SLC38A8: variants seen among roughly 807,000 people sequenced by gnomAD.
SLC38A8 encodes the protein amino acid transporter SLC38A8.
Under a neutral mutation model 46.0 loss-of-function variants are expected in SLC38A8, and 65 were observed. The ratio of observed to expected loss-of-function variants is 1.41; its 90% CI spans 1.16 to 1.74. The LOEUF (loss-of-function observed/expected upper bound fraction) is 1.74. SLC38A8 is among the 40% of genes most tolerant of loss of function. The pLI is 0.00. For synonymous variants in SLC38A8, 447 were observed against 243.7 expected, an observed-to-expected ratio of 1.83 and a Z score of -7.77; for missense variants, 998 against 567.9, an observed-to-expected ratio of 1.76 and a Z score of -7.70.
chr16:84,028,180 C>G (rs746832313), intron 6 of SLC38A8, among the ~76,000 whole-genome samples: 1 of 151,950 alleles, frequency 6.6e-6, no homozygotes, highest in Non-Finnish European at 1.5e-5. Flanking sequence ...AAACCCTGGA[C>G]ACATCTCCCT....
At chr16:84,039,743 C>CAAAAA (rs56074069) in intron 2 of SLC38A8, among the ~76,000 whole-genome samples, 1 of 85,822 alleles carries the variant, frequency 1.2e-5, no homozygotes, top group Non-Finnish European at 2.2e-5. Context: ...GTGAGACCTT[C>CAAAAA]AAAAAAAAAA....
chr16:84,034,776 C>G (rs1186225821), intron 3 of SLC38A8, among the ~76,000 whole-genome samples: 1 of 152,104 alleles, frequency 6.6e-6, no homozygotes, highest in Non-Finnish European at 1.5e-5. Context: ...GCACCGAGAT[C>G]GTGGGTGAGT....
rs578114014 is a variant in SLC38A8, at chr16:84,024,721, G to A, written c.691-1832C>T. ...GCTCAAGCCTGGGAGGCAGAGTCTC[G>A]CTCTGTCACCCAGAATGGACTGAAG... On this transcript the variant is annotated intron_variant, in intron 6 of 10. Coordinates refer to ENST00000299709, the MANE Select transcript of SLC38A8 (RefSeq NM_001080442.3). 2.7e-3 allele frequency among the ~76,000 whole-genome samples: 414 copies of A among 152,200 alleles called. 1 individual carries two copies. The highest frequency in any genetic ancestry group is 0.015 in the South Asian group (72 of 4,822).
At chr16:84,040,305 T>C (rs555362618) in intron 2 of SLC38A8, among the ~76,000 whole-genome samples, 2 of 152,318 alleles carry the variant, frequency 1.3e-5, no homozygotes, top group African/African-American at 4.8e-5. Flanking sequence ...GCCATGAGTT[T>C]CCATTTATTC....
intron 9 of SLC38A8, among the ~76,000 whole-genome samples, chr16:84,013,515 C>T (rs1415845225): frequency 1.4e-5 from 2 of 144,826 alleles, no homozygotes; most frequent in Non-Finnish European, 3.0e-5. Context: ...ACTGCAACCT[C>T]CACCTCCCGG....
chr16:84,023,831 T>C (rs1056187714), intron 6 of SLC38A8, among the ~76,000 whole-genome samples: 3 of 152,036 alleles, frequency 2.0e-5, no homozygotes, highest in Admixed American at 1.3e-4. Flanking sequence ...GAGGCGGAGG[T>C]TGCAGTGAGC....
At chr16:84,021,844 G>T (rs1318631716) in intron 7 of SLC38A8, among the ~76,000 whole-genome samples, 1 of 152,210 alleles carries the variant, frequency 6.6e-6, no homozygotes, top group East Asian at 1.9e-4. Flanking sequence ...GCTACATCTG[G>T]GGAGAGCCTT....
intron 2 of SLC38A8, among the ~76,000 whole-genome samples, chr16:84,038,337 G>C (rs531895734): frequency 3.3e-5 from 5 of 152,054 alleles, no homozygotes; most frequent in African/African-American, 1.2e-4. Flanking sequence ...AGATGTACAG[G>C]AAAGTTGCAA....
intron 2 of SLC38A8, among the ~76,000 whole-genome samples, chr16:84,038,773 T>G (rs2085331746): frequency 6.6e-6 from 1 of 152,162 alleles, no homozygotes; most frequent in Non-Finnish European, 1.5e-5. Flanking sequence ...TTTCCACCTT[T>G]ACGTAATTCC....
At chr16:84,026,795 A>ATT (rs1411480030) in intron 6 of SLC38A8, among the ~76,000 whole-genome samples, 1 of 152,186 alleles carries the variant, frequency 6.6e-6, no homozygotes, top group Non-Finnish European at 1.5e-5. Context: ...CTGTCTTAAA[A>ATT]GGCCACAATA....
chr16:84,020,304 C>G (rs889591009), intron 7 of SLC38A8, among the ~76,000 whole-genome samples: 2 of 152,162 alleles, frequency 1.3e-5, no homozygotes, highest in Non-Finnish European at 2.9e-5. Flanking sequence ...CCACTATGTT[C>G]TGCTCATTTA....
intron 2 of SLC38A8, among the ~76,000 whole-genome samples, chr16:84,040,302 G>C (rs955284258): frequency 6.6e-6 from 1 of 152,232 alleles, no homozygotes; most frequent in Non-Finnish European, 1.5e-5. Context: ...TCTGCCATGA[G>C]TTTCCATTTA....
chr16:84,040,426 G>A (rs2085354837), intron 2 of SLC38A8, among the ~76,000 whole-genome samples: 1 of 152,206 alleles, frequency 6.6e-6, no homozygotes, highest in South Asian at 2.1e-4. Context: ...GTGGTCTCAG[G>A]CCCACCCAGC....
intron 7 of SLC38A8, among the ~76,000 whole-genome samples, chr16:84,018,723 A>T (rs1243350306): frequency 6.6e-6 from 1 of 152,184 alleles, no homozygotes; most frequent in African/African-American, 2.4e-5. Flanking sequence ...TGTCATTGGG[A>T]TCTTAACACA....
chr16:84,041,316 G>C (rs12716746), intron 2 of SLC38A8: 121,552 of 152,330 alleles, frequency 0.8, 48,620 homozygotes, highest in East Asian at 0.9. Context: ...CACAGGAGTC[G>C]AGCTTTGTTT....
intron 7 of SLC38A8, among the ~76,000 whole-genome samples, chr16:84,020,999 G>C (rs1468211046): frequency 6.6e-6 from 1 of 152,166 alleles, no homozygotes; most frequent in Non-Finnish European, 1.5e-5. Context: ...GAGTAGCCAT[G>C]CAGCATCCTG....
intron 6 of SLC38A8, among the ~76,000 whole-genome samples, chr16:84,025,809 G>A (rs2085157387): frequency 1.3e-5 from 2 of 152,250 alleles, no homozygotes; most frequent in African/African-American, 4.8e-5. Flanking sequence ...AGCCCTAGTT[G>A]AGCACAGCCC....
chr16:84,016,477 G>A (rs1468248492), intron 9 of SLC38A8, 42 bp downstream of exon 9: 1 of 1,601,586 alleles, frequency 6.2e-7, no homozygotes, highest in South Asian at 1.1e-5. Context: ...GATGAGCAGG[G>A]AAGAACAAGT....
At position 84,016,565 on chromosome 16, in the gene SLC38A8, G is replaced by T; in HGVS notation, c.1116C>A (p.Val372=). The T allele has an allele frequency of 6.2e-7, 1 of 1,614,110 alleles. No individual in the cohort carries two copies. Among genetic ancestry groups the T allele is most frequent in the Non-Finnish European group, 8.5e-7 (1 of 1,180,026 alleles). Residue 372 remains valine (V), a synonymous_variant, in exon 9 of 11, where the codon GTC becomes GTA. Transcript: ENST00000299709. ...AGGAACTGATGCCTCCGATGATGCT[G>T]ACGATCTCGCTGAGGTCAGGCATAA... The part of the protein sequence containing the change: ...ALFMPDLSEI[V]SIIGGISSFF...
Sources: allele counts gnomAD v4.1 joint callset (sites outside exome capture counted in the v4.1 genomes callset), GRCh38; gene constraint gnomAD v4.1.1; transcripts MANE v1.5; gene names NCBI Gene and HGNC (gene_info 2026-07-23, HGNC 2026-07-21).